The following MMS22L variants were observed in gnomAD, a reference collection of about 807,000 sequenced individuals.
The protein encoded by MMS22L is MMS22 like, DNA repair protein, also known as protein MMS22-like.
Under a neutral mutation model 159.1 loss-of-function variants are expected in MMS22L, and 74 were observed. The observed-to-expected ratio is 0.47, with a 90% CI of 0.39 to 0.56. The LOEUF (loss-of-function observed/expected upper bound fraction) is 0.56. Among genes scored for constraint, MMS22L ranks in the 20% least tolerant of loss-of-function variants. The pLI, the probability that MMS22L is intolerant of heterozygous loss-of-function variation, is 0.00. For synonymous variants in MMS22L, 517 were observed against 506.9 expected (o/e 1.02, Z -0.27); for missense variants, 1,351 against 1,422.1 (o/e 0.95, Z 0.80).
chr6:97,233,789 C>G, intron 12 of MMS22L, 72 bp downstream of exon 12: 1 of 1,475,392 alleles, frequency 6.8e-7, no homozygotes, highest in East Asian at 2.4e-5. Flanking sequence ...CATAATTAAA[C>G]CATAAAGACA....
chr6:97,280,512 T>A (rs1286008410), intron 3 of MMS22L, among the ~76,000 whole-genome samples: 2 of 152,124 alleles, frequency 1.3e-5, no homozygotes, highest in African/African-American at 2.4e-5. Flanking sequence ...TTTGTATTTT[T>A]AGTACAGAAG....
rs1343306445 is a variant in MMS22L, at chr6:97,282,187, G to GAT, written c.164+125_164+126dup. On this transcript the variant is annotated intron_variant, in intron 2 of 24. Coordinates refer to ENST00000683635, the MANE Select transcript of MMS22L (RefSeq NM_001350599.2). ...AACTGATAATCATTTGTACCCTTATGATATACTAAGCTGATTTATAAAACA... is the reference window on the plus strand; with the variant it reads ...AACTGATAATCATTTGTACCCTTATGATATATACTAAGCTGATTTATAAAACA... 5.7e-6 allele frequency: 5 copies of GAT among 876,498 alleles called. No homozygotes were observed. In the African/African-American group the frequency reaches 8.5e-5, roughly 15 times the overall value. The allele number at this position is 876,498 out of a possible 1,614,324, so 54.3% of individuals were successfully genotyped here.
chr6:97,200,336 A>G (rs1807005317), intron 14 of MMS22L, among the ~76,000 whole-genome samples: 1 of 152,120 alleles, frequency 6.6e-6, no homozygotes. Context: ...GTTCTTTAAA[A>G]GGGAGGAAAA....
At chr6:97,200,717 C>G (rs543131908) in intron 14 of MMS22L, among the ~76,000 whole-genome samples, 1 of 151,960 alleles carries the variant, frequency 6.6e-6, no homozygotes, top group African/African-American at 2.4e-5. Context: ...AAAAGATCAC[C>G]GATTCAGTAT....
In MMS22L at chr6:97,144,560, C is replaced by T. The variant is rs1380783011; in HGVS notation, c.*2246G>A. Reference sequence around the variant, plus strand: ...GGACAAAGAACATGAGAAAGGAGAACAAACTCAGATTTGACCAAAAGACAA... The same window carrying T: ...GGACAAAGAACATGAGAAAGGAGAATAAACTCAGATTTGACCAAAAGACAA... On this transcript the variant is annotated 3_prime_UTR_variant, in exon 25 of 25. Coordinates refer to ENST00000683635, the MANE Select transcript of MMS22L (RefSeq NM_001350599.2). 2.0e-5 allele frequency: 3 copies of T among 152,086 alleles called. No homozygotes were observed. The highest frequency in any genetic ancestry group is 6.5e-5 in the Admixed American group (1 of 15,274). 9.4% of individuals were successfully genotyped at this position (152,086 alleles called of 1,614,324 possible). A position where few individuals can be genotyped will look rare whatever the true frequency, so the allele number is the denominator to read the frequency against.
chr6:97,158,294 G>GT (rs1208318466), intron 22 of MMS22L, among the ~76,000 whole-genome samples: 3 of 151,956 alleles, frequency 2.0e-5, no homozygotes, highest in Non-Finnish European at 4.4e-5. Context: ...TTTTTTGAAG[G>GT]TTTTTTTGTG....
intron 14 of MMS22L, among the ~76,000 whole-genome samples, chr6:97,198,932 A>T (rs1054385370): frequency 6.6e-6 from 1 of 152,054 alleles, no homozygotes; most frequent in African/African-American, 2.4e-5. Context: ...CTGCTTTCAA[A>T]AGTTTCATTT....
At position 97,165,451 on chromosome 6, in the gene MMS22L, A is replaced by T; in HGVS notation, c.3016T>A (p.Cys1006Ser). The T allele has an allele frequency of 6.2e-7, 1 of 1,612,058 alleles. No individual in the cohort carries two copies. Among genetic ancestry groups the T allele is most frequent in the Non-Finnish European group, 8.5e-7 (1 of 1,179,150 alleles). ...KSLPLYLQGM[C>S]IVCCQSQNPN... The stretch of plus-strand genomic sequence containing the variant: ...TTTTGAGATTGACAACACACGATAC[A>T]CATGCCCTACAAGGAAAAAAAGTAA... Residue 1006 changes from cysteine (C) to serine (S), a missense_variant, in exon 21 of 25, where the codon TGT becomes AGT. Physicochemically the swap from Cys to Ser is moderately radical, Grantham distance 112. Coordinates refer to ENST00000683635, the MANE Select transcript of MMS22L (RefSeq NM_001350599.2).
chr6:97,193,885 C>T (rs902301143), intron 14 of MMS22L, among the ~76,000 whole-genome samples: 4 of 151,886 alleles, frequency 2.6e-5, no homozygotes, highest in Admixed American at 1.3e-4. Flanking sequence ...CTCAGCTTCT[C>T]GAGTAGCTGG....
At chr6:97,219,305 TGAA>T (rs1449390074) in intron 14 of MMS22L, among the ~76,000 whole-genome samples, 7 of 152,158 alleles carry the variant, frequency 4.6e-5, no homozygotes, top group African/African-American at 1.7e-4. Flanking sequence ...AAAAGATAAA[TGAA>T]GAAAACCAAC....
At chr6:97,228,314 T>G (rs1810466973) in intron 14 of MMS22L, among the ~76,000 whole-genome samples, 1 of 152,210 alleles carries the variant, frequency 6.6e-6, no homozygotes, top group Admixed American at 6.5e-5. Flanking sequence ...TTCTGCATCT[T>G]GTGTTTGCAT....
chr6:97,237,635 T>G (rs1811555690), intron 11 of MMS22L, among the ~76,000 whole-genome samples: 1 of 152,204 alleles, frequency 6.6e-6, no homozygotes, highest in South Asian at 2.1e-4. Flanking sequence ...AGAGCCTCCA[T>G]AAATGATTCA....
At chr6:97,232,275 C>A (rs753383515) in intron 12 of MMS22L, among the ~76,000 whole-genome samples, 1 of 152,102 alleles carries the variant, frequency 6.6e-6, no homozygotes, top group Non-Finnish European at 1.5e-5. Context: ...GTCCCACAAG[C>A]CTTTTACTTA....
intron 21 of MMS22L, among the ~76,000 whole-genome samples, chr6:97,164,037 A>C (rs1181850789): frequency 6.6e-6 from 1 of 151,984 alleles, no homozygotes; most frequent in African/African-American, 2.4e-5. Flanking sequence ...GTATTTTAGG[A>C]AAAGTAATCT....
intron 15 of MMS22L, among the ~76,000 whole-genome samples, chr6:97,184,844 T>C: frequency 6.6e-6 from 1 of 152,120 alleles, no homozygotes. Context: ...ACTCCTCTGC[T>C]CAAAACTTTT....
At chr6:97,224,730 C>T (rs1810037568) in intron 14 of MMS22L, among the ~76,000 whole-genome samples, 1 of 150,992 alleles carries the variant, frequency 6.6e-6, no homozygotes, top group Admixed American at 6.6e-5. Context: ...TCATTCATCT[C>T]TAATTTTTTT....
At position 97,168,522 on chromosome 6, in the gene MMS22L, C is replaced by CTT. The variant is rs2128250392; in HGVS notation, c.2840-283_2840-282insAA. Among the ~76,000 whole-genome samples, 2 of 152,122 alleles carry CTT rather than the reference C, an allele frequency of 1.3e-5. 1 individual carries two copies. The highest frequency in any genetic ancestry group is 1.3e-4 in the Admixed American group (2 of 15,258). On this transcript the variant is annotated intron_variant, in intron 19 of 24. Coordinates refer to ENST00000683635, the MANE Select transcript of MMS22L (RefSeq NM_001350599.2). ...TATCCCTAATCTGAAAATATAAAAT[C>CTT]TGAAACGCTCCAAAATCCAAAAGTT...
chr6:97,226,511 T>C (rs560094830), intron 14 of MMS22L, among the ~76,000 whole-genome samples: 12 of 152,064 alleles, frequency 7.9e-5, no homozygotes, highest in Non-Finnish European at 1.8e-4. Context: ...GGAGAATTGC[T>C]TGAGCCCAGG....
Position 97,182,521 on chromosome 6 carries a change from C to T in MMS22L, c.2234-467G>A, listed in dbSNP as rs118098292. 1.0e-3 allele frequency among the ~76,000 whole-genome samples: 153 copies of T among 152,258 alleles called. 2 individuals carry two copies. Among genetic ancestry groups the T allele is most frequent in the East Asian group, 7.3e-3 (38 of 5,178 alleles). ...AGATCTCCTACAATCAATGACACTC[C>T]ACTTCCTTTAGAACCCACAAAGTCT... On this transcript the variant is annotated intron_variant, in intron 15 of 24. Coordinates refer to ENST00000683635, the MANE Select transcript of MMS22L (RefSeq NM_001350599.2).
Sources: gnomAD v4.1 joint callset for allele counts (sites outside exome capture counted in the v4.1 genomes callset) on GRCh38, gnomAD v4.1.1 for gene constraint, MANE v1.5 for transcripts, NCBI Gene and HGNC (gene_info 2026-07-23, HGNC 2026-07-21) for gene names.